Variants in DPP6 observed in about 807,000 individuals in gnomAD.
DPP6 encodes the protein dipeptidyl peptidase like 6.
A neutral mutation model predicts 122.6 loss-of-function variants in DPP6; 69 were observed. That is an observed-to-expected ratio of 0.56 (90% confidence interval 0.46 to 0.69). The LOEUF (loss-of-function observed/expected upper bound fraction) is 0.69, where lower values mean the gene tolerates loss of function less well. DPP6 is among the 30% of genes least tolerant of loss of function. The pLI, the probability that DPP6 is intolerant of heterozygous loss-of-function variation, is 0.00. For synonymous variants in DPP6, 418 were observed against 433.1 expected, an observed-to-expected ratio of 0.97 and a Z score of 0.43; for missense variants, 928 against 1,116.9, an observed-to-expected ratio of 0.83 and a Z score of 2.41.
intron 7 of DPP6, among the ~76,000 whole-genome samples, chr7:154,692,573 G>C (rs1839990525): frequency 6.6e-6 from 1 of 152,082 alleles, no homozygotes; most frequent in African/African-American, 2.4e-5. Context: ...TTGGGGTCAA[G>C]AAGCAACAAG....
intron 1 of DPP6, among the ~76,000 whole-genome samples, chr7:153,901,697 G>A (rs1371412048): frequency 1.3e-5 from 2 of 152,208 alleles, no homozygotes; most frequent in East Asian, 1.9e-4. Context: ...ACAGACCCTC[G>A]TTGTTTCTTT....
intron 1 of DPP6, chr7:154,304,990 C>T (rs1378454533): frequency 6.4e-6 from 1 of 156,174 alleles, no homozygotes; most frequent in African/African-American, 2.4e-5. Flanking sequence ...GCGGCGTCTC[C>T]GCGGCAGTCG....
chr7:154,059,370 C>T (rs1585259809), intron 1 of DPP6: 1 of 155,128 alleles, frequency 6.4e-6, no homozygotes, highest in African/African-American at 2.4e-5. Context: ...TTAGGACCCA[C>T]CTGGAGGACT....
intron 1 of DPP6, among the ~76,000 whole-genome samples, chr7:154,373,900 G>C (rs1449247560): frequency 6.6e-6 from 1 of 152,178 alleles, no homozygotes; most frequent in African/African-American, 2.4e-5. Context: ...TTTGTGCCTG[G>C]ATTATTCCGT....
At chr7:154,259,143 A>T (rs1309159763) in intron 1 of DPP6, among the ~76,000 whole-genome samples, 3 of 152,134 alleles carry the variant, frequency 2.0e-5, no homozygotes, top group Non-Finnish European at 2.9e-5. Context: ...ATTTCTACAG[A>T]CTCAATTCCT....
intron 3 of DPP6, among the ~76,000 whole-genome samples, chr7:154,523,575 G>A (rs1291968940): frequency 6.6e-6 from 1 of 152,068 alleles, no homozygotes; most frequent in Non-Finnish European, 1.5e-5. Flanking sequence ...TGTAGCTTTT[G>A]TTTTCTTTAA....
chr7:154,643,493 G>A (rs1419496677), intron 6 of DPP6, among the ~76,000 whole-genome samples: 1 of 133,620 alleles, frequency 7.5e-6, no homozygotes, highest in Non-Finnish European at 1.5e-5. Context: ...TTTTGAGACA[G>A]AGTCTCACTC....
At chr7:154,297,441 A>G (rs1344846626) in intron 1 of DPP6, among the ~76,000 whole-genome samples, 1 of 152,206 alleles carries the variant, frequency 6.6e-6, no homozygotes, top group Non-Finnish European at 1.5e-5. Flanking sequence ...ATGCTCATGC[A>G]CTTGCTACAC....
rs1563149372 is a variant in DPP6 at position 154,060,312 on chromosome 7, AGG to A, written c.243+7250_243+7251del. On this transcript the variant is annotated intron_variant, in intron 1 of 25. Transcript: ENST00000377770. ...AATCCCTCTTCCCCCCCTGGCTCTT[AGG>A]ACCCCCATCGCAGGAGGGGGAGGCA... Among the ~76,000 whole-genome samples the A allele has an allele frequency of 2.0e-4, 21 of 106,840 alleles. 2 individuals carry two copies. The highest frequency in any genetic ancestry group is 2.9e-4 in the Admixed American group (3 of 10,470). The allele number at this position is 106,840 out of a possible 152,430, so 70.1% of individuals were successfully genotyped here.
At chr7:154,421,157 G>A (rs1220265914) in intron 1 of DPP6, among the ~76,000 whole-genome samples, 2 of 40,672 alleles carry the variant, frequency 4.9e-5, no homozygotes, top group Non-Finnish European at 2.8e-4. Flanking sequence ...ATATAACAAT[G>A]CCTAATTTTC....
At chr7:154,868,849 C>A (rs748755113) in intron 18 of DPP6, among the ~76,000 whole-genome samples, 3 of 152,212 alleles carry the variant, frequency 2.0e-5, no homozygotes, top group Non-Finnish European at 4.4e-5. Flanking sequence ...ACTGTCTTCC[C>A]CCAGAACTCT....
intron 1 of DPP6, among the ~76,000 whole-genome samples, chr7:154,225,844 C>G (rs772651244): frequency 6.6e-6 from 1 of 152,160 alleles, no homozygotes; most frequent in African/African-American, 2.4e-5. Context: ...TACCAATACA[C>G]TAGTGCCCAC....
rs1203681075 is a variant in DPP6, at chr7:153,962,232, A to G, written c.51+74498A>G. ...GAGGTGCCAGGAGATAATAGTTTTG[A>G]AGACTAGTCCTGTGAAACGGTGTTT... is the stretch of plus-strand genomic sequence containing the variant. On this transcript the variant is annotated intron_variant, in intron 1 of 25. Coordinates refer to the DPP6 transcript ENST00000404039. 5.3e-5 allele frequency among the ~76,000 whole-genome samples: 8 copies of G among 152,160 alleles called. No individual in the cohort carries two copies. The East Asian group carries it at 1.6e-3, about 30-fold the overall frequency.
intron 3 of DPP6, among the ~76,000 whole-genome samples, chr7:154,497,343 C>T (rs1006477829): frequency 5.9e-5 from 9 of 152,166 alleles, no homozygotes; most frequent in Non-Finnish European, 2.9e-5. Flanking sequence ...CATGGTGGCT[C>T]ATGCCTGTAA....
At chr7:153,847,734 A>G in the DPP6 span, among the ~76,000 whole-genome samples, 3 of 152,318 alleles carry the variant, frequency 2.0e-5, no homozygotes, top group African/African-American at 7.2e-5. Flanking sequence ...TCTGATGGGC[A>G]GCAATTGAAA....
chr7:154,785,682 A>G (rs1797294746), intron 10 of DPP6, among the ~76,000 whole-genome samples: 1 of 152,156 alleles, frequency 6.6e-6, no homozygotes. Flanking sequence ...GATGGCATTT[A>G]CACTCTGTCC....
At chr7:154,061,869 C>T (rs1188772503) in intron 1 of DPP6, among the ~76,000 whole-genome samples, 7 of 134,582 alleles carry the variant, frequency 5.2e-5, no homozygotes, top group South Asian at 2.6e-4. Context: ...GCGGAGGCAC[C>T]CCCCGCGAGG....
At chr7:154,106,516 G>T (rs1393805479) in intron 1 of DPP6, among the ~76,000 whole-genome samples, 16 of 134,520 alleles carry the variant, frequency 1.2e-4, no homozygotes, top group African/African-American at 4.0e-4. Flanking sequence ...GGCCACTCAT[G>T]CTGCTGCTGT....
intron 5 of DPP6, among the ~76,000 whole-genome samples, chr7:154,595,013 A>AT (rs551036884): frequency 0.41 from 62,086 of 150,070 alleles, 13,219 homozygotes; most frequent in East Asian, 0.68. Flanking sequence ...TGTATCATTG[A>AT]TTTTTTTTTT....
Sources: allele counts gnomAD v4.1 joint callset (sites outside exome capture counted in the v4.1 genomes callset), GRCh38; gene constraint gnomAD v4.1.1; transcripts MANE v1.5; gene names NCBI Gene and HGNC (gene_info 2026-07-23, HGNC 2026-07-21).